Variants in IL1RAPL1 observed in about 807,000 individuals in gnomAD.
IL1RAPL1 encodes interleukin-1 receptor accessory protein-like 1.
IL1RAPL1 carries 3 observed loss-of-function variants against 48.4 expected under a neutral mutation model. The observed-to-expected ratio is 0.06, with a 90% CI of 0.03 to 0.16. The LOEUF (loss-of-function observed/expected upper bound fraction) is 0.16, where lower values mean the gene tolerates loss of function less well. IL1RAPL1 is among the 10% of genes least tolerant of loss of function. The pLI is 1.00. For missense variants in IL1RAPL1, 349 were observed against 530.6 expected, an observed-to-expected ratio of 0.66 and a Z score of 3.36; for synonymous variants, 185 against 187.7, an observed-to-expected ratio of 0.99 and a Z score of 0.12.
At chrX:28,890,702 G>C (rs1922749628) in intron 2 of IL1RAPL1, among the ~76,000 whole-genome samples, 1 of 111,604 alleles carries the variant, frequency 9.0e-6, no homozygotes, top group South Asian at 3.7e-4. Context: ...AACCATTTTA[G>C]TTATTTTATA....
At chrX:29,152,618 CAACAT>C (rs1242976491) in intron 2 of IL1RAPL1, among the ~76,000 whole-genome samples, 2 of 111,929 alleles carry the variant, frequency 1.8e-5, no homozygotes, top group African/African-American at 6.5e-5. Context: ...CATTGTCTGA[CAACAT>C]AACAACTTGT....
intron 2 of IL1RAPL1, among the ~76,000 whole-genome samples, chrX:29,088,463 G>A (rs970332361): frequency 1.2e-4 from 13 of 109,252 alleles, no homozygotes; most frequent in African/African-American, 4.3e-4. Flanking sequence ...ATCACCTGAG[G>A]TCAAGAGTTC....
chrX:29,090,816 T>C (rs750503399), intron 2 of IL1RAPL1, among the ~76,000 whole-genome samples: 6 of 112,302 alleles, frequency 5.3e-5, no homozygotes, highest in Non-Finnish European at 1.1e-4. Flanking sequence ...TTTACATAAC[T>C]CAGGAAGGAA....
chrX:28,999,670 A>G lies in IL1RAPL1; in HGVS notation c.82+210245A>G, dbSNP rs752455605. On this transcript the variant is annotated intron_variant, in intron 2 of 10. Transcript: ENST00000378993. Reference sequence around the variant, plus strand: ...TTCCATCAAGATGTACTTTAAATGCATCTTCTTGTATAATCCTTTTCAGAC... The same window carrying G: ...TTCCATCAAGATGTACTTTAAATGCGTCTTCTTGTATAATCCTTTTCAGAC... 1.3e-4 allele frequency among the ~76,000 whole-genome samples: 15 copies of G among 111,996 alleles called. No homozygotes were observed. The South Asian group carries it at 4.1e-3, about 30-fold the overall frequency.
chrX:29,754,239 C>T (rs1277164508), intron 6 of IL1RAPL1, among the ~76,000 whole-genome samples: 1 of 111,722 alleles, frequency 9.0e-6, no homozygotes, highest in Non-Finnish European at 1.9e-5. Flanking sequence ...CAGATTCATC[C>T]TGGATAAATT....
At chrX:29,557,926 C>G (rs1211972011) in intron 5 of IL1RAPL1, among the ~76,000 whole-genome samples, 1 of 110,273 alleles carries the variant, frequency 9.1e-6, no homozygotes, top group Non-Finnish European at 1.9e-5. Context: ...ATTTTCTTTA[C>G]GCATTTATCT....
intron 6 of IL1RAPL1, among the ~76,000 whole-genome samples, chrX:29,676,593 G>A (rs1389264688): frequency 1.8e-5 from 2 of 111,432 alleles, no homozygotes; most frequent in Non-Finnish European, 3.8e-5. Flanking sequence ...AGTTATAACA[G>A]AAGAAAACTA....
intron 6 of IL1RAPL1, among the ~76,000 whole-genome samples, chrX:29,805,807 A>C (rs981331598): frequency 9.0e-6 from 1 of 110,740 alleles, no homozygotes; most frequent in African/African-American, 3.3e-5. Context: ...AAAATGAGAA[A>C]AGAAGACAAG....
intron 6 of IL1RAPL1, among the ~76,000 whole-genome samples, chrX:29,837,273 AT>A (rs1408458567): frequency 0.16 from 9,504 of 58,483 alleles, 1,111 homozygotes; most frequent in Non-Finnish European, 0.21. Flanking sequence ...AAAAAAAAAA[AT>A]ATATATATAT....
chrX:29,561,204 G>A (rs778619636), intron 5 of IL1RAPL1, among the ~76,000 whole-genome samples: 1 of 112,418 alleles, frequency 8.9e-6, no homozygotes, highest in Non-Finnish European at 1.9e-5. Context: ...TTGCCCTGAA[G>A]TACTCAAAGT....
At chrX:28,815,243 T>C (rs1229136242) in intron 2 of IL1RAPL1, among the ~76,000 whole-genome samples, 1 of 110,973 alleles carries the variant, frequency 9.0e-6, no homozygotes, top group Non-Finnish European at 1.9e-5. Flanking sequence ...CCCTCAAGTT[T>C]TGTTTGCCAG....
intron 5 of IL1RAPL1, among the ~76,000 whole-genome samples, chrX:29,510,156 A>G (rs1192353729): frequency 8.9e-6 from 1 of 112,358 alleles, no homozygotes; most frequent in Admixed American, 9.4e-5. Flanking sequence ...ACATTATACA[A>G]TAGCACCTAA....
At chrX:29,186,457 G>T (rs941043373) in intron 2 of IL1RAPL1, among the ~76,000 whole-genome samples, 2 of 111,397 alleles carry the variant, frequency 1.8e-5, no homozygotes, top group Non-Finnish European at 1.9e-5. Flanking sequence ...GTCAGTTTAG[G>T]TTGAGAAACC....
At chrX:29,160,778 G>T (rs1395449917) in intron 2 of IL1RAPL1, among the ~76,000 whole-genome samples, 2 of 112,578 alleles carry the variant, frequency 1.8e-5, no homozygotes, top group East Asian at 5.6e-4. Context: ...TGTGGGCCGG[G>T]TTGGGTGGCT....
chrX:29,814,239 C>G (rs764729555), intron 6 of IL1RAPL1, among the ~76,000 whole-genome samples: 2 of 111,782 alleles, frequency 1.8e-5, no homozygotes, highest in South Asian at 7.5e-4. Flanking sequence ...GTCTCTGTAG[C>G]CTTACCTTTT....
rs1457945105 is a variant in IL1RAPL1 at position 29,802,767 on chromosome X, ATATATATATATATATGTGTGTG to A, written c.779-114695_779-114674del. Among the ~76,000 whole-genome samples the A allele has an allele frequency of 5.5e-4, 15 of 27,046 alleles. 1 individual carries two copies. Among genetic ancestry groups the A allele is most frequent in the Admixed American group, 1.1e-3 (3 of 2,671 alleles). 23.5% of individuals were successfully genotyped at this position (27,046 alleles called of 115,157 possible). A position where few individuals can be genotyped will look rare whatever the true frequency, so the allele number is the denominator to read the frequency against. ...AAAAATTATATATATATATATATAT[ATATATATATATATATGTGTGTG>A]TGTATATATATATATATATATGTGT... is the stretch of plus-strand genomic sequence containing the variant. On this transcript the variant is annotated intron_variant, in intron 6 of 10. Coordinates refer to ENST00000378993, the MANE Select transcript of IL1RAPL1 (RefSeq NM_014271.4).
At chrX:29,383,870 T>C (rs1343100142) in intron 3 of IL1RAPL1, among the ~76,000 whole-genome samples, 1 of 112,350 alleles carries the variant, frequency 8.9e-6, no homozygotes, top group African/African-American at 3.2e-5. Context: ...AGTGTAATTC[T>C]GCTCTTTCCT....
chrX:28,640,713 C>T (rs1399502069), intron 1 of IL1RAPL1, among the ~76,000 whole-genome samples: 1 of 26,875 alleles, frequency 3.7e-5, no homozygotes, highest in Non-Finnish European at 7.9e-5. Flanking sequence ...GAAACTGAGC[C>T]TCAGGAAATT....
chrX:29,088,691 A>AG (rs1407296633), intron 2 of IL1RAPL1, among the ~76,000 whole-genome samples: 4 of 108,536 alleles, frequency 3.7e-5, no homozygotes, highest in East Asian at 2.8e-4. Flanking sequence ...AAAAAAAAAA[A>AG]AAAAGAAAAG....
Sources: gnomAD v4.1 joint callset for allele counts (sites outside exome capture counted in the v4.1 genomes callset) on GRCh38, gnomAD v4.1.1 for gene constraint, MANE v1.5 for transcripts, NCBI Gene and HGNC (gene_info 2026-07-23, HGNC 2026-07-21) for gene names.